The following NTN4 variants were observed in gnomAD, a reference collection of about 807,000 sequenced individuals.
The protein encoded by NTN4 is netrin 4, also known as netrin-4.
Under a neutral mutation model 73.6 loss-of-function variants are expected in NTN4, and 32 were observed. The ratio of observed to expected loss-of-function variants is 0.44; its 90% CI spans 0.33 to 0.58. NTN4 has a LOEUF of 0.58. Ranked by LOEUF, NTN4 falls within the 20% of genes least tolerant of loss-of-function variation. The pLI, the probability that NTN4 is intolerant of heterozygous loss-of-function variation, is 0.04. For synonymous variants in NTN4, 258 were observed against 287.5 expected, an observed-to-expected ratio of 0.90 and a Z score of 1.04; for missense variants, 654 against 798.3, an observed-to-expected ratio of 0.82 and a Z score of 2.18.
intron 5 of NTN4, among the ~76,000 whole-genome samples, chr12:95,703,888 T>TAGA (rs1177811657): frequency 6.6e-6 from 1 of 152,178 alleles, no homozygotes; most frequent in Non-Finnish European, 1.5e-5. Flanking sequence ...ATTAAGTGCA[T>TAGA]AGAACCCTTG....
chr12:95,695,895 C>T (rs892651184), intron 5 of NTN4, among the ~76,000 whole-genome samples: 1 of 151,370 alleles, frequency 6.6e-6, no homozygotes, highest in Non-Finnish European at 1.5e-5. Flanking sequence ...AACTTGGGTG[C>T]ACCATTCTCT....
intron 5 of NTN4, among the ~76,000 whole-genome samples, chr12:95,695,431 C>G (rs2078433862): frequency 6.6e-6 from 1 of 152,038 alleles, no homozygotes; most frequent in Non-Finnish European, 1.5e-5. Flanking sequence ...ATGGCGTGAT[C>G]TTGGTTTACT....
intron 2 of NTN4, among the ~76,000 whole-genome samples, chr12:95,765,291 T>C (rs1267383854): frequency 1.3e-5 from 2 of 152,198 alleles, no homozygotes; most frequent in African/African-American, 4.8e-5. Context: ...GTACCTCTGA[T>C]TTGTTCACTT....
At chr12:95,715,058 C>T (rs190288430) in intron 3 of NTN4, among the ~76,000 whole-genome samples, 2,049 of 152,180 alleles carry the variant, frequency 0.013, 47 homozygotes, top group African/African-American at 0.046. Context: ...CACTGGTGGT[C>T]GCACTCTGCA....
intron 2 of NTN4, among the ~76,000 whole-genome samples, chr12:95,775,938 G>A (rs962163337): frequency 6.6e-6 from 1 of 152,198 alleles, no homozygotes; most frequent in Non-Finnish European, 1.5e-5. Context: ...CAACTCACAC[G>A]GCCGGGTACT....
intron 2 of NTN4, among the ~76,000 whole-genome samples, chr12:95,761,138 C>A (rs1208435477): frequency 6.6e-6 from 1 of 152,124 alleles, no homozygotes; most frequent in Non-Finnish European, 1.5e-5. Context: ...AGATATTTCA[C>A]TTCTTGGGTT....
chr12:95,734,782 G>A lies in NTN4; in HGVS notation c.864+3084C>T, dbSNP rs185241097. Among the ~76,000 whole-genome samples the A allele has an allele frequency of 3.0e-3, 454 of 152,324 alleles. 2 individuals carry two copies. Among genetic ancestry groups the A allele is most frequent in the African/African-American group, 0.01 (432 of 41,574 alleles). On this transcript the variant is annotated intron_variant, in intron 3 of 9. Transcript: ENST00000343702. ...AGGCTGGGTGTGGTGGCTCACACCT[G>A]TAATCCCAGCACTTTGGGAGGCTGA... is the stretch of plus-strand genomic sequence containing the variant.
At chr12:95,756,588 C>T (rs2078948520) in intron 2 of NTN4, among the ~76,000 whole-genome samples, 1 of 152,134 alleles carries the variant, frequency 6.6e-6, no homozygotes, top group Non-Finnish European at 1.5e-5. Flanking sequence ...ATACTGATCA[C>T]CTCAATTTCC....
intron 2 of NTN4, among the ~76,000 whole-genome samples, chr12:95,782,152 C>T (rs571248181): frequency 3.9e-5 from 6 of 152,260 alleles, no homozygotes; most frequent in Admixed American, 3.9e-4. Context: ...TGTCATTTCT[C>T]CCTGCTTGTC....
chr12:95,712,696 G>C (rs1396530802), intron 4 of NTN4, among the ~76,000 whole-genome samples: 1 of 151,538 alleles, frequency 6.6e-6, no homozygotes, highest in Admixed American at 6.6e-5. Flanking sequence ...TCACCTCCCG[G>C]TTTCAAGTGA....
chr12:95,790,132 C>A lies in NTN4; in HGVS notation c.55+123G>T. On this transcript the variant is annotated intron_variant, in intron 1 of 9. Coordinates refer to ENST00000343702, the MANE Select transcript of NTN4 (RefSeq NM_021229.4). This position sits in a 1 kb window ranked among gnomAD's most constrained non-coding sequence, Gnocchi z 6.5. ...GGAAAGGAGGCGGAACATGGCCACT[C>A]ATTTCACCCTCGGGAGCAGCGCTCT... 2.6e-6 allele frequency: 2 copies of A among 766,256 alleles called. No individual in the cohort carries two copies. Among genetic ancestry groups the A allele is most frequent in the South Asian group, 4.2e-5 (2 of 47,478 alleles). The allele number at this position is 766,256 out of a possible 1,614,324, so 47.5% of individuals were successfully genotyped here.
intron 5 of NTN4, among the ~76,000 whole-genome samples, chr12:95,691,223 G>C (rs974162439): frequency 6.6e-6 from 1 of 152,106 alleles, no homozygotes; most frequent in African/African-American, 2.4e-5. Context: ...TTTTCTTCTT[G>C]TTTGGAAGGA....
intron 5 of NTN4, among the ~76,000 whole-genome samples, chr12:95,708,136 A>G (rs2121075563): frequency 6.6e-6 from 1 of 152,246 alleles, no homozygotes; most frequent in East Asian, 1.9e-4. Context: ...AATTATCTTT[A>G]AATAAGGTAT....
intron 2 of NTN4, among the ~76,000 whole-genome samples, chr12:95,752,136 C>G (rs1479943470): frequency 1.3e-5 from 2 of 152,002 alleles, no homozygotes; most frequent in Non-Finnish European, 2.9e-5. Flanking sequence ...TTACCCTTAC[C>G]CCACTCAACG....
intron 2 of NTN4, among the ~76,000 whole-genome samples, chr12:95,757,973 G>A (rs1283130021): frequency 6.6e-6 from 1 of 152,162 alleles, no homozygotes; most frequent in Non-Finnish European, 1.5e-5. Context: ...AATTTTGGCA[G>A]TTTATTCATT....
At chr12:95,694,571 A>C (rs2078426655) in intron 5 of NTN4, among the ~76,000 whole-genome samples, 1 of 152,224 alleles carries the variant, frequency 6.6e-6, no homozygotes, top group Admixed American at 6.5e-5. Flanking sequence ...TGTGAAGTTA[A>C]ATAGTAGAAA....
chr12:95,729,313 A>G (rs1592689764), intron 3 of NTN4, among the ~76,000 whole-genome samples: 2 of 151,846 alleles, frequency 1.3e-5, no homozygotes, highest in African/African-American at 4.8e-5. Flanking sequence ...TTTTGAAACC[A>G]TAATCTTCTC....
intron 5 of NTN4, among the ~76,000 whole-genome samples, chr12:95,701,100 A>C (rs2078481972): frequency 1.3e-5 from 2 of 152,120 alleles, no homozygotes; most frequent in African/African-American, 4.8e-5. Flanking sequence ...GGTGTGAGCC[A>C]CCACCCCTGC....
At chr12:95,766,012 A>G (rs1465668416) in intron 2 of NTN4, among the ~76,000 whole-genome samples, 1 of 152,140 alleles carries the variant, frequency 6.6e-6, no homozygotes, top group Non-Finnish European at 1.5e-5. Flanking sequence ...AGACTGCCAT[A>G]TTGTGTCTAG....
Sources: gnomAD v4.1 joint callset for allele counts (sites outside exome capture counted in the v4.1 genomes callset) on GRCh38, gnomAD v4.1.1 for gene constraint, Gnocchi (gnomAD v3.1) non-coding constraint, MANE v1.5 for transcripts, NCBI Gene and HGNC (gene_info 2026-07-23, HGNC 2026-07-21) for gene names.